RANBP17: variants seen among roughly 807,000 people sequenced by gnomAD.
RANBP17 encodes the protein RAN binding protein 17, also known as ran-binding protein 17.
In RANBP17, 158 loss-of-function variants were observed where a neutral mutation model predicts 141.2. That is an observed-to-expected ratio of 1.12 (90% CI 0.98 to 1.28). The LOEUF (loss-of-function observed/expected upper bound fraction) is 1.28. RANBP17 is among the 50% of genes most tolerant of loss of function. RANBP17 has a pLI of 0.00. For synonymous variants in RANBP17, 430 were observed against 450.0 expected, an observed-to-expected ratio of 0.96 and a Z score of 0.56; for missense variants, 1,438 against 1,290.7, an observed-to-expected ratio of 1.11 and a Z score of -1.75.
chr5:171,152,207 G>C (rs959218821), intron 14 of RANBP17, among the ~76,000 whole-genome samples: 8 of 151,402 alleles, frequency 5.3e-5, no homozygotes, highest in Admixed American at 2.0e-4. Flanking sequence ...GAGGTCAGGA[G>C]TTCGAGACCA....
chr5:171,290,363 G>A (rs1581192218), intron 25 of RANBP17, among the ~76,000 whole-genome samples: 1 of 148,310 alleles, frequency 6.7e-6, no homozygotes, highest in Non-Finnish European at 1.5e-5. Context: ...GTAAGACTCC[G>A]TCTCAAAAAA....
At chr5:171,231,261 T>A (rs543276879) in intron 22 of RANBP17, among the ~76,000 whole-genome samples, 3 of 152,200 alleles carry the variant, frequency 2.0e-5, no homozygotes, top group East Asian at 3.9e-4. Flanking sequence ...AATTGTTATT[T>A]AAATTAGCAT....
At chr5:171,128,652 G>A (rs1165748399) in intron 14 of RANBP17, among the ~76,000 whole-genome samples, 1 of 152,154 alleles carries the variant, frequency 6.6e-6, no homozygotes, top group Non-Finnish European at 1.5e-5. Flanking sequence ...AGCTACAGGA[G>A]AGGATTTGAA....
At chr5:170,968,671 C>G (rs1367578460) in intron 14 of RANBP17, 13 of 482,188 alleles carry the variant, frequency 2.7e-5, no homozygotes, top group Non-Finnish European at 4.9e-5. Flanking sequence ...TATTTCAAGA[C>G]TGAAAGCATA....
Position 170,943,689 on chromosome 5 carries a change from G to A in RANBP17, c.1469-9908G>A, listed in dbSNP as rs561131219. Among the ~76,000 whole-genome samples, 20 of 152,050 alleles carry A rather than the reference G, an allele frequency of 1.3e-4. No individual in the cohort carries two copies. The South Asian group carries it at 4.2e-3, about 32-fold the overall frequency. On this transcript the variant is annotated intron_variant, in intron 12 of 27. Transcript: ENST00000523189. ...ATGTAGCAGATTTTTTTCTCTAAAT[G>A]CAATTTAGATACGTGTATTTACATG...
intron 11 of RANBP17, among the ~76,000 whole-genome samples, chr5:170,922,080 G>A (rs989612782): frequency 7.3e-6 from 1 of 137,470 alleles, no homozygotes; most frequent in African/African-American, 2.6e-5. Flanking sequence ...CCTTCTAACA[G>A]ACCCCTCAGC....
chr5:170,959,298 C>T (rs188347148), intron 13 of RANBP17, among the ~76,000 whole-genome samples: 73 of 152,228 alleles, frequency 4.8e-4, no homozygotes, highest in African/African-American at 1.7e-3. Context: ...AATATTTCTC[C>T]CATTTTCTTA....
chr5:171,014,014 T>C (rs538475736), intron 14 of RANBP17, among the ~76,000 whole-genome samples: 3 of 152,248 alleles, frequency 2.0e-5, no homozygotes, highest in African/African-American at 7.2e-5. Context: ...TTTGAAACTC[T>C]GTTGTTAAGT....
intron 14 of RANBP17, among the ~76,000 whole-genome samples, chr5:170,998,749 A>G (rs1009060876): frequency 9.9e-5 from 15 of 152,188 alleles, no homozygotes; most frequent in African/African-American, 3.4e-4. Flanking sequence ...ATTACAAAAT[A>G]CATATTAGAG....
intron 14 of RANBP17, among the ~76,000 whole-genome samples, chr5:171,163,196 A>ATTTCCC (rs2127861226): frequency 6.6e-6 from 1 of 152,286 alleles, no homozygotes; most frequent in East Asian, 1.9e-4. Context: ...TCAGGCTTAT[A>ATTTCCC]TTTAGTGATG....
chr5:171,279,417 T>C (rs1767716554), intron 25 of RANBP17, among the ~76,000 whole-genome samples: 1 of 152,186 alleles, frequency 6.6e-6, no homozygotes, highest in African/African-American at 2.4e-5. Flanking sequence ...TCTTGCTGTG[T>C]CATCTAATGG....
rs183488883 is a variant in RANBP17, at chr5:171,251,856, C to T, written c.2776+9036C>T. On this transcript the variant is annotated intron_variant, in intron 24 of 27. Transcript: ENST00000523189. ...TCTCCAAATTCGCTTCCATCTGTAC[C>T]ATGAGTGCCAATGCTTCGGCATTAG... 4.3e-6 allele frequency: 6 copies of T among 1,379,786 alleles called. No homozygotes were observed. In the East Asian group the frequency reaches 1.4e-4, roughly 32 times the overall value. 85.5% of individuals were successfully genotyped at this position (1,379,786 alleles called of 1,614,324 possible). A position where few individuals can be genotyped will look rare whatever the true frequency, so the allele number is the denominator to read the frequency against.
chr5:170,979,263 G>A (rs181229606), intron 14 of RANBP17, among the ~76,000 whole-genome samples: 2 of 152,276 alleles, frequency 1.3e-5, no homozygotes, highest in East Asian at 3.9e-4. Flanking sequence ...TCTGCATGGT[G>A]GGTGTGCATG....
In RANBP17 at chr5:170,963,340, T is replaced by G. The variant is rs559315561; in HGVS notation, c.1575-4902T>G. 4.6e-5 allele frequency among the ~76,000 whole-genome samples: 7 copies of G among 152,300 alleles called. No homozygotes were observed. The East Asian group carries it at 1.4e-3, about 29-fold the overall frequency. On this transcript the variant is annotated intron_variant, in intron 13 of 27. Coordinates refer to ENST00000523189, the MANE Select transcript of RANBP17 (RefSeq NM_022897.5). ...AATCAAGATGAATCTCAGTGTATCATAGAGGTAAATGTAGAAAACAAGAAT... is the reference window on the plus strand; with the variant it reads ...AATCAAGATGAATCTCAGTGTATCAGAGAGGTAAATGTAGAAAACAAGAAT...
At chr5:171,140,422 T>G (rs1385239103) in intron 14 of RANBP17, among the ~76,000 whole-genome samples, 1 of 152,216 alleles carries the variant, frequency 6.6e-6, no homozygotes, top group Non-Finnish European at 1.5e-5. Flanking sequence ...TAAGCTATAC[T>G]GTGCTAAGTG....
intron 14 of RANBP17, among the ~76,000 whole-genome samples, chr5:171,098,800 G>A (rs987369796): frequency 2.6e-5 from 4 of 152,106 alleles, no homozygotes; most frequent in African/African-American, 9.7e-5. Flanking sequence ...AATCCATCTT[G>A]AGTTAATTTT....
chr5:170,959,894 C>G (rs1322016040), intron 13 of RANBP17, among the ~76,000 whole-genome samples: 1 of 152,162 alleles, frequency 6.6e-6, no homozygotes, highest in Non-Finnish European at 1.5e-5. Flanking sequence ...TCAGGGATGG[C>G]AGAGGCGCAA....
chr5:170,978,898 G>A (rs1221100621), intron 14 of RANBP17, among the ~76,000 whole-genome samples: 1 of 152,048 alleles, frequency 6.6e-6, no homozygotes, highest in Non-Finnish European at 1.5e-5. Flanking sequence ...GTGTAATTGT[G>A]TAAAAAAGTG....
In RANBP17 at chr5:171,241,097, G is replaced by A; in HGVS notation, c.2592G>A (p.Gln864=). The A allele has an allele frequency of 6.2e-7, 1 of 1,613,752 alleles. No individual in the cohort carries two copies. The highest frequency in any genetic ancestry group is 1.6e-4 in the Middle Eastern group (1 of 6,062). ...ACAACCATTTTGACAATGTACTCCA[G>A]GCTTTTGTCAAAATGCTGCTGTCAG... ...YGDNHFDNVL[Q]AFVKMLLSVS... The change falls in exon 23 of 28, where the codon CAG becomes CAA. Residue 864 remains glutamine (Q), a synonymous_variant. Transcript: ENST00000523189.
Sources: gnomAD v4.1 joint callset for allele counts (sites outside exome capture counted in the v4.1 genomes callset) on GRCh38, gnomAD v4.1.1 for gene constraint, MANE v1.5 for transcripts, NCBI Gene and HGNC (gene_info 2026-07-23, HGNC 2026-07-21) for gene names.